The following ITPR1 variants were observed in gnomAD, a reference collection of about 807,000 sequenced individuals.
ITPR1 encodes the protein inositol 1,4,5-trisphosphate receptor type 1, also known as inositol 1,4,5-trisphosphate-gated calcium channel ITPR1.
Under a neutral mutation model 318.4 loss-of-function variants are expected in ITPR1, and 96 were observed. That is an observed-to-expected ratio of 0.30 (90% CI 0.26 to 0.36). The LOEUF (loss-of-function observed/expected upper bound fraction) is 0.36, where lower values mean the gene tolerates loss of function less well. ITPR1 is among the 10% of genes least tolerant of loss of function. The pLI, the probability that ITPR1 is intolerant of heterozygous loss-of-function variation, is 1.00. For synonymous variants in ITPR1, 1,312 were observed against 1,289.9 expected (o/e 1.02, Z -0.37); for missense variants, 2,440 against 3,460.2 (o/e 0.71, Z 7.40).
chr3:4,845,321 G>C (rs561158366), intron 61 of ITPR1, among the ~76,000 whole-genome samples: 1 of 152,222 alleles, frequency 6.6e-6, no homozygotes, highest in African/African-American at 2.4e-5. Context: ...CCAAAACTAA[G>C]ACTAACTGGG....
At chr3:4,550,359 C>T (rs115153606) in intron 4 of ITPR1, among the ~76,000 whole-genome samples, 1 of 152,154 alleles carries the variant, frequency 6.6e-6, no homozygotes, top group South Asian at 2.1e-4. Context: ...GCTTGGTGAC[C>T]GTCCAACCCA....
chr3:4,641,818 G>A (rs1201608301), intron 6 of ITPR1, among the ~76,000 whole-genome samples: 1 of 152,202 alleles, frequency 6.6e-6, no homozygotes, highest in Non-Finnish European at 1.5e-5. Flanking sequence ...AGGTTATGAT[G>A]GCACAGTTGA....
intron 4 of ITPR1, among the ~76,000 whole-genome samples, chr3:4,531,892 C>T (rs978502204): frequency 6.6e-6 from 1 of 152,176 alleles, no homozygotes; most frequent in African/African-American, 2.4e-5. Flanking sequence ...GGGTTTGGCT[C>T]TCAGCCCTGC....
chr3:4,526,661 C>G (rs183448131), intron 4 of ITPR1, among the ~76,000 whole-genome samples: 169 of 152,332 alleles, frequency 1.1e-3, no homozygotes, highest in African/African-American at 3.8e-3. Flanking sequence ...GAGGAACCCA[C>G]CTATGAGGTG....
At chr3:4,781,587 G>A (rs944778171) in intron 49 of ITPR1, among the ~76,000 whole-genome samples, 7 of 152,166 alleles carry the variant, frequency 4.6e-5, no homozygotes, top group African/African-American at 1.7e-4. Flanking sequence ...CGAGTCGTGC[G>A]GCTGTGAAGG....
At chr3:4,755,830 G>T (rs1022757641) in intron 44 of ITPR1, among the ~76,000 whole-genome samples, 1 of 152,204 alleles carries the variant, frequency 6.6e-6, no homozygotes, top group Non-Finnish European at 1.5e-5. Flanking sequence ...TGTGGATGAG[G>T]GAGGACCTTA....
chr3:4,692,880 G>A (rs754211299), intron 32 of ITPR1, among the ~76,000 whole-genome samples: 2 of 152,176 alleles, frequency 1.3e-5, no homozygotes, highest in Non-Finnish European at 2.9e-5. Flanking sequence ...CAGCACTTTG[G>A]GAGGCCGAGT....
chr3:4,583,519 A>C (rs1314481139), intron 4 of ITPR1, among the ~76,000 whole-genome samples: 1 of 152,142 alleles, frequency 6.6e-6, no homozygotes, highest in Non-Finnish European at 1.5e-5. Flanking sequence ...GTAGTTTCTC[A>C]GCATTTTCTC....
At chr3:4,759,582 T>C (rs1045994664) in intron 44 of ITPR1, among the ~76,000 whole-genome samples, 1 of 152,210 alleles carries the variant, frequency 6.6e-6, no homozygotes, top group Non-Finnish European at 1.5e-5. Flanking sequence ...ATGGGTGGTT[T>C]TCAAGTGCTG....
At chr3:4,749,556 A>T (rs933521747) in intron 44 of ITPR1, 3 of 152,212 alleles carry the variant, frequency 2.0e-5, no homozygotes, top group Admixed American at 6.5e-5. Flanking sequence ...CACTTCACTG[A>T]CACTTAACCC....
At chr3:4,775,640 G>C (rs1313399733) in intron 47 of ITPR1, among the ~76,000 whole-genome samples, 198 bp downstream of exon 47, 1 of 152,156 alleles carries the variant, frequency 6.6e-6, no homozygotes, top group South Asian at 2.1e-4. Flanking sequence ...GGACATTGGA[G>C]GGACAGTCCA....
chr3:4,699,973 C>G, intron 35 of ITPR1, 32 bp downstream of exon 35: 1 of 1,598,306 alleles, frequency 6.3e-7, no homozygotes, highest in Non-Finnish European at 8.6e-7. Flanking sequence ...GCAGAATGTT[C>G]ACGATACACC....
chr3:4,813,294 A>G (rs2049060464), intron 57 of ITPR1, 60 bp downstream of exon 57: 1 of 1,129,058 alleles, frequency 8.9e-7, no homozygotes, highest in African/African-American at 1.6e-5. Flanking sequence ...GGCTTAGCTG[A>G]TGCAGGTGAT....
At chr3:4,613,475 C>G (rs1427601587) in intron 4 of ITPR1, among the ~76,000 whole-genome samples, 1 of 152,090 alleles carries the variant, frequency 6.6e-6, no homozygotes, top group Non-Finnish European at 1.5e-5. Flanking sequence ...GGGAACTTCC[C>G]TCTGTTGCTG....
chr3:4,818,051 TG>T, intron 59 of ITPR1, 30 bp from the exon 60 acceptor site: 1 of 1,572,438 alleles, frequency 6.4e-7, no homozygotes, highest in Admixed American at 1.8e-5. Context: ...GCTGCTCAGC[TG>T]GGGCTGGGGG....
chr3:4,755,701 C>T (rs1419960546), intron 44 of ITPR1, among the ~76,000 whole-genome samples: 1 of 152,202 alleles, frequency 6.6e-6, no homozygotes, highest in South Asian at 2.1e-4. Context: ...AGGAAGGGTT[C>T]TTTGTCCTCC....
At chr3:4,737,859 T>C (rs1051411101) in intron 44 of ITPR1, among the ~76,000 whole-genome samples, 1 of 152,198 alleles carries the variant, frequency 6.6e-6, no homozygotes, top group African/African-American at 2.4e-5. Flanking sequence ...GTTTGGGTGG[T>C]GGTTACATGA....
rs1293597581 is a variant in ITPR1 at position 4,619,663 on chromosome 3, CTCCTCTGCT to C, written c.164-8099_164-8091del. ...CTGCTCTCCTCTGCTCTCCCCTGCT[CTCCTCTGCT>C]CTCCCCTGCTCTCCTCTGCTCTCCC... On this transcript the variant is annotated intron_variant, in intron 4 of 61. Transcript: ENST00000649015. 3.3e-3 allele frequency among the ~76,000 whole-genome samples: 11 copies of C among 3,312 alleles called. 2 individuals are homozygous for C. Among genetic ancestry groups the C allele is most frequent in the Admixed American group, 0.018 (4 of 218 alleles). 2.2% of individuals were successfully genotyped at this position (3,312 alleles called of 152,430 possible).
At chr3:4,712,141 C>T (rs1435775916) in intron 39 of ITPR1, among the ~76,000 whole-genome samples, 1 of 152,128 alleles carries the variant, frequency 6.6e-6, no homozygotes, top group Non-Finnish European at 1.5e-5. Flanking sequence ...CAAGATTTTC[C>T]ATCTATTTAA....
Sources: allele counts gnomAD v4.1 joint callset (sites outside exome capture counted in the v4.1 genomes callset), GRCh38; gene constraint gnomAD v4.1.1; transcripts MANE v1.5; gene names NCBI Gene and HGNC (gene_info 2026-07-23, HGNC 2026-07-21).